Variants in WWC2 observed in about 807,000 individuals in gnomAD.
WWC2 encodes the protein protein WWC2.
In WWC2, 101 loss-of-function variants were observed where a neutral mutation model predicts 138.5. The ratio of observed to expected loss-of-function variants is 0.73; its 90% CI spans 0.62 to 0.86. WWC2 has a LOEUF of 0.86. WWC2 is among the 40% of genes least tolerant of loss of function. The pLI is 0.00. For missense variants in WWC2, 1,420 were observed against 1,419.4 expected, an observed-to-expected ratio of 1.00 and a Z score of -0.01; for synonymous variants, 558 against 538.4, an observed-to-expected ratio of 1.04 and a Z score of -0.50.
chr4:183,245,091 G>A (rs186008384), intron 5 of WWC2, among the ~76,000 whole-genome samples: 2 of 152,036 alleles, frequency 1.3e-5, no homozygotes, highest in East Asian at 1.9e-4. Context: ...GCCGGGCATC[G>A]TGGCGGGTGC....
intron 21 of WWC2, among the ~76,000 whole-genome samples, chr4:183,298,377 T>G (rs1738710288): frequency 6.6e-6 from 1 of 152,146 alleles, no homozygotes; most frequent in Non-Finnish European, 1.5e-5. Flanking sequence ...CCAAAACTCT[T>G]TAGCTAGCCT....
intron 16 of WWC2, 53 bp downstream of exon 16, chr4:183,271,294 A>T: frequency 7.2e-6 from 10 of 1,386,756 alleles, no homozygotes; most frequent in Non-Finnish European, 9.7e-6. Flanking sequence ...CATATATGAA[A>T]TACATATATG....
chr4:183,295,222 C>G (rs572268790), intron 21 of WWC2, among the ~76,000 whole-genome samples: 1 of 152,200 alleles, frequency 6.6e-6, no homozygotes, highest in Non-Finnish European at 1.5e-5. Flanking sequence ...AGGGAAGCAG[C>G]GAGGCTACTT....
intron 1 of WWC2, among the ~76,000 whole-genome samples, chr4:183,123,708 A>G (rs919029642): frequency 6.6e-6 from 1 of 152,124 alleles, no homozygotes; most frequent in African/African-American, 2.4e-5. Flanking sequence ...TTTGACATAT[A>G]TTAAATATAC....
At position 183,242,429 on chromosome 4, in the gene WWC2, G is replaced by A. The variant is rs1019719995; in HGVS notation, c.602+2167G>A. Among the ~76,000 whole-genome samples the A allele has an allele frequency of 4.4e-4, 67 of 152,290 alleles. 1 individual carries two copies. Among genetic ancestry groups the A allele is most frequent in the African/African-American group, 1.6e-3 (65 of 41,572 alleles). ...AGCTTTCATTTTACTTGGTACAATA[G>A]TTTTATACTGGGTAGACAAATGTGG... On this transcript the variant is annotated intron_variant, in intron 5 of 22. Coordinates refer to ENST00000403733, the MANE Select transcript of WWC2 (RefSeq NM_024949.6).
intron 1 of WWC2, among the ~76,000 whole-genome samples, chr4:183,101,974 C>T (rs1364174410): frequency 1.3e-5 from 2 of 152,254 alleles, no homozygotes; most frequent in South Asian, 2.1e-4. Flanking sequence ...TCTGATTATA[C>T]AGATAATTAT....
chr4:183,280,229 G>GTTTTTTTTTTTTTTTTTT (rs869235261), intron 16 of WWC2, among the ~76,000 whole-genome samples: 20 of 65,430 alleles, frequency 3.1e-4, no homozygotes, highest in South Asian at 8.3e-4. Flanking sequence ...GATAGCAGCT[G>GTTTTTTTTTTTTTTTTTT]TTTTTTTTTT....
chr4:183,262,809 AG>A (rs1737373909), intron 11 of WWC2, among the ~76,000 whole-genome samples: 1 of 151,826 alleles, frequency 6.6e-6, no homozygotes, highest in South Asian at 2.1e-4. Flanking sequence ...TGTGTGTGTT[AG>A]GGGGTGCATA....
intron 1 of WWC2, among the ~76,000 whole-genome samples, chr4:183,112,517 A>T (rs1276808677): frequency 1.3e-5 from 2 of 152,178 alleles, no homozygotes; most frequent in Non-Finnish European, 2.9e-5. Flanking sequence ...TACTGACTTC[A>T]CCACCTAGTC....
At chr4:183,134,098 A>G (rs1265339892) in intron 1 of WWC2, among the ~76,000 whole-genome samples, 1 of 152,214 alleles carries the variant, frequency 6.6e-6, no homozygotes. Flanking sequence ...AGTAACTCAT[A>G]ATAAATTCAT....
chr4:183,256,443 C>A (rs1737143075), intron 9 of WWC2, among the ~76,000 whole-genome samples: 1 of 152,126 alleles, frequency 6.6e-6, no homozygotes, highest in Non-Finnish European at 1.5e-5. Flanking sequence ...TTCCCCCATG[C>A]TCTGGCATTT....
intron 11 of WWC2, among the ~76,000 whole-genome samples, chr4:183,263,832 G>A (rs1038323496): frequency 6.6e-6 from 1 of 152,182 alleles, no homozygotes; most frequent in African/African-American, 2.4e-5. Context: ...CTGCATGTGG[G>A]GTGGTGGCTC....
chr4:183,104,023 G>A (rs959855197), intron 1 of WWC2, among the ~76,000 whole-genome samples: 2 of 148,498 alleles, frequency 1.3e-5, no homozygotes, highest in Non-Finnish European at 3.0e-5. Flanking sequence ...GCAATGGCGC[G>A]ATGTTGGCTC....
chr4:183,256,977 G>A (rs909778676), intron 9 of WWC2, among the ~76,000 whole-genome samples: 3 of 149,604 alleles, frequency 2.0e-5, no homozygotes, highest in Non-Finnish European at 4.4e-5. Context: ...CTCGCCACCT[G>A]GTGGTGGGAA....
chr4:183,312,436 C>T lies in WWC2; in HGVS notation c.3480C>T (p.Ser1160=), dbSNP rs146731576. 4.3e-6 allele frequency: 7 copies of T among 1,613,802 alleles called. No homozygotes were observed. In the African/African-American group the frequency reaches 6.7e-5, roughly 15 times the overall value. The part of the protein sequence containing the change: ...SKDVCRLREQ[S]QKVPRQVQSF... ...ACGTGTGTCGGCTCCGGGAGCAGAGCCAGAAGGTGCCTCGGCAGGTGCAGT... is the reference window on the plus strand; with the variant it reads ...ACGTGTGTCGGCTCCGGGAGCAGAGTCAGAAGGTGCCTCGGCAGGTGCAGT... Residue 1160 remains serine (S), a synonymous_variant, in exon 22 of 23, where the codon AGC becomes AGT. Coordinates refer to ENST00000403733, the MANE Select transcript of WWC2 (RefSeq NM_024949.6).
rs140067474 is a variant in WWC2, at chr4:183,235,651, C to T, written c.523-4532C>T. 1.2e-3 allele frequency among the ~76,000 whole-genome samples: 190 copies of T among 152,288 alleles called. 1 individual carries two copies. Among genetic ancestry groups the T allele is most frequent in the African/African-American group, 4.3e-3 (179 of 41,568 alleles). ...TCCTCAAGGTTCATTCATATTGTCACATATTGCAGCCTTTCCTTCTTTTAA... is the reference window on the plus strand; with the variant it reads ...TCCTCAAGGTTCATTCATATTGTCATATATTGCAGCCTTTCCTTCTTTTAA... On this transcript the variant is annotated intron_variant, in intron 4 of 22. Coordinates refer to ENST00000403733, the MANE Select transcript of WWC2 (RefSeq NM_024949.6).
Position 183,201,450 on chromosome 4 carries a change from C to T in WWC2, c.242-6503C>T, listed in dbSNP as rs534145011. Among the ~76,000 whole-genome samples the T allele has an allele frequency of 2.0e-5, 3 of 152,266 alleles. No homozygotes were observed. In the South Asian group the frequency reaches 6.2e-4, roughly 32 times the overall value. ...TTGCACTGTGCCCGTCCGACTCAGGCCATTTTGTTGATCACCCAGGGCTTC... is the reference window on the plus strand; with the variant it reads ...TTGCACTGTGCCCGTCCGACTCAGGTCATTTTGTTGATCACCCAGGGCTTC... On this transcript the variant is annotated intron_variant, in intron 2 of 22. Coordinates refer to ENST00000403733, the MANE Select transcript of WWC2 (RefSeq NM_024949.6).
intron 4 of WWC2, among the ~76,000 whole-genome samples, chr4:183,237,483 C>T (rs1736463172): frequency 6.6e-6 from 1 of 152,076 alleles, no homozygotes. Context: ...GCTCATTGCT[C>T]TTAATTCATA....
At chr4:183,257,582 C>T (rs758142892) in intron 9 of WWC2, among the ~76,000 whole-genome samples, 1 of 152,310 alleles carries the variant, frequency 6.6e-6, no homozygotes, top group Non-Finnish European at 1.5e-5. Context: ...GACAGGTGTG[C>T]ACCCTTTTGA....
Sources: gnomAD v4.1 joint callset for allele counts (sites outside exome capture counted in the v4.1 genomes callset) on GRCh38, gnomAD v4.1.1 for gene constraint, MANE v1.5 for transcripts, NCBI Gene and HGNC (gene_info 2026-07-23, HGNC 2026-07-21) for gene names.